Variants in ZFP1 observed in about 807,000 individuals in gnomAD.
ZFP1 encodes the protein zinc finger protein 1 homolog.
ZFP1 carries 32 observed loss-of-function variants against 38.5 expected under a neutral mutation model. The ratio of observed to expected loss-of-function variants is 0.83; its 90% confidence interval spans 0.63 to 1.12. The LOEUF is 1.12. ZFP1 is among the 50% of genes most tolerant of loss of function. ZFP1 has a pLI of 0.00. For missense variants in ZFP1, 616 were observed against 480.8 expected (o/e 1.28, Z -2.63); for synonymous variants, 245 against 168.8 (o/e 1.45, Z -3.50).
the ZFP1 span, among the ~76,000 whole-genome samples, chr16:75,129,835 A>G: frequency 6.6e-6 from 1 of 152,190 alleles, no homozygotes; most frequent in African/African-American, 2.4e-5. Flanking sequence ...TCACAGAGGC[A>G]TAAGGCAGAA....
intron 3 of ZFP1, among the ~76,000 whole-genome samples, chr16:75,168,718 A>C (rs1191782326): frequency 6.6e-6 from 1 of 152,316 alleles, no homozygotes; most frequent in East Asian, 1.9e-4. Flanking sequence ...TGTTCTCTGG[A>C]AATCATTTTG....
chr16:75,135,209 CAAAAAAAAAA>C, the ZFP1 span, among the ~76,000 whole-genome samples: 20 of 14,964 alleles, frequency 1.3e-3, no homozygotes, highest in African/African-American at 3.9e-3. Flanking sequence ...GACCTTATCT[CAAAAAAAAAA>C]AAAAAAAAAA....
chr16:75,126,382 T>G, the ZFP1 span: 16 of 152,008 alleles, frequency 1.1e-4, 2 homozygotes, highest in South Asian at 6.2e-4. Context: ...TCTCTTGACC[T>G]CATGATCTGC....
At chr16:75,158,807 C>T (rs916138298) in intron 2 of ZFP1, among the ~76,000 whole-genome samples, 2 of 151,642 alleles carry the variant, frequency 1.3e-5, no homozygotes, top group African/African-American at 2.4e-5. Flanking sequence ...TATTACTTTA[C>T]AGTTCGTCTG....
At chr16:75,119,508 C>G in the ZFP1 span, 1 of 152,050 alleles carries the variant, frequency 6.6e-6, no homozygotes, top group Admixed American at 6.6e-5. Context: ...AGCTCGCAAC[C>G]AACAGGGAAG....
At chr16:75,157,900 A>T (rs1363719876) in intron 2 of ZFP1, among the ~76,000 whole-genome samples, 1 of 151,816 alleles carries the variant, frequency 6.6e-6, no homozygotes, top group Non-Finnish European at 1.5e-5. Context: ...AGTTCAAGTG[A>T]TCCTCCCAGT....
upstream of ZFP1, among the ~76,000 whole-genome samples, chr16:75,146,484 C>T (rs542032461): frequency 4.1e-4 from 63 of 152,080 alleles, no homozygotes; most frequent in Admixed American, 1.2e-3. Flanking sequence ...TACGATTTAC[C>T]CAAATGAACT....
intron 2 of ZFP1, among the ~76,000 whole-genome samples, chr16:75,155,876 A>G (rs149031147): frequency 1.8e-4 from 28 of 152,354 alleles, no homozygotes; most frequent in Non-Finnish European, 3.1e-4. Flanking sequence ...TTAACAAACT[A>G]TAACTGGAAT....
In ZFP1 at chr16:75,166,751, T is replaced by TAACA. The variant is rs1236594360; in HGVS notation, c.16-17_16-14dup. On this transcript the variant is annotated intron_variant, in intron 2 of 3. Coordinates refer to ENST00000570010, the MANE Select transcript of ZFP1 (RefSeq NM_153688.4). ...CACCAAATGATCATCTTAGGATGAA[T>TAACA]AACAATATGCCATTTCAGGGATCAG... 1 of 1,613,974 alleles carries TAACA rather than the reference T, an allele frequency of 6.2e-7. No individual in the cohort carries two copies. Among genetic ancestry groups the TAACA allele is most frequent in the African/African-American group, 1.3e-5 (1 of 74,934 alleles).
rs927320425 is a variant in ZFP1 at position 75,171,489 on chromosome 16, T to G, written c.*1155T>G. On this transcript the variant is annotated 3_prime_UTR_variant, in exon 4 of 4. Coordinates refer to ENST00000570010, the MANE Select transcript of ZFP1 (RefSeq NM_153688.4). ...AAAACATTTCCCTTTGGAACATGAG[T>G]TATAAGTTATTACTTTTCCTTTACA... 1.3e-5 allele frequency: 2 copies of G among 152,326 alleles called. No homozygotes were observed. Among genetic ancestry groups the G allele is most frequent in the Admixed American group, 1.3e-4 (2 of 15,302 alleles). The allele number at this position is 152,326 out of a possible 1,614,324, so 9.4% of individuals were successfully genotyped here.
chr16:75,157,782 A>G (rs1003362092), intron 2 of ZFP1, among the ~76,000 whole-genome samples: 3 of 151,496 alleles, frequency 2.0e-5, no homozygotes, highest in Non-Finnish European at 4.4e-5. Context: ...AGCCATACCT[A>G]CCTCTTCTGG....
intron 2 of ZFP1, among the ~76,000 whole-genome samples, chr16:75,155,215 C>T (rs375965966): frequency 9.8e-5 from 15 of 152,340 alleles, no homozygotes; most frequent in South Asian, 2.1e-4. Flanking sequence ...ACTGCAGCCT[C>T]GACTTGCTGG....
rs530647274 is a variant in ZFP1 at position 75,171,794 on chromosome 16, G to C, written c.*1460G>C. 1 of 152,300 alleles carries C rather than the reference G, an allele frequency of 6.6e-6. No homozygotes were observed. Among genetic ancestry groups the C allele is most frequent in the South Asian group, 2.1e-4 (1 of 4,832 alleles). 9.4% of individuals were successfully genotyped at this position (152,300 alleles called of 1,614,324 possible). A position where few individuals can be genotyped will look rare whatever the true frequency, so the allele number is the denominator to read the frequency against. On this transcript the variant is annotated 3_prime_UTR_variant, in exon 4 of 4. Transcript: ENST00000570010. ...AACATCCATAGCCCAATAAGCTTTT[G>C]TCTAAGTTGTCATCTTACTTACTCA...
At chr16:75,150,375 A>AT (rs879642238) in intron 1 of ZFP1, among the ~76,000 whole-genome samples, 10,316 of 43,226 alleles carry the variant, frequency 0.24, 599 homozygotes, top group Admixed American at 0.33. Context: ...CACCTGGCTA[A>AT]TTTTTTTATT....
At chr16:75,121,468 T>C in the ZFP1 span, among the ~76,000 whole-genome samples, 41 of 152,260 alleles carry the variant, frequency 2.7e-4, no homozygotes, top group East Asian at 1.2e-3. Flanking sequence ...ATCTTTCATC[T>C]CCCTCTGGCA....
At chr16:75,148,370 G>C (rs1460018532), upstream of ZFP1, 3 of 152,214 alleles carry the variant, frequency 2.0e-5, no homozygotes, top group Non-Finnish European at 4.4e-5. Flanking sequence ...GCCTAACAAG[G>C]CGAAGACTTT....
At chr16:75,131,072 T>C in the ZFP1 span, among the ~76,000 whole-genome samples, 1 of 152,178 alleles carries the variant, frequency 6.6e-6, no homozygotes, top group South Asian at 2.1e-4. Flanking sequence ...TTTCTGTCCC[T>C]GTGGGCCTCA....
At chr16:75,162,724 C>T (rs1172944906) in intron 2 of ZFP1, among the ~76,000 whole-genome samples, 1 of 152,028 alleles carries the variant, frequency 6.6e-6, no homozygotes, top group Admixed American at 6.6e-5. Flanking sequence ...CGTGAGTACC[C>T]AGAGTTTAGC....
At chr16:75,155,497 T>C (rs974247330) in intron 2 of ZFP1, among the ~76,000 whole-genome samples, 5 of 152,206 alleles carry the variant, frequency 3.3e-5, no homozygotes, top group East Asian at 1.9e-4. Flanking sequence ...TATCAGAGCA[T>C]AGAGGTTGCT....
Sources: allele counts gnomAD v4.1 joint callset (sites outside exome capture counted in the v4.1 genomes callset), GRCh38; gene constraint gnomAD v4.1.1; transcripts MANE v1.5; gene names NCBI Gene and HGNC (gene_info 2026-07-23, HGNC 2026-07-21).